ETV3L: variants seen among roughly 807,000 people sequenced by gnomAD.
ETV3L encodes ETS translocation variant 3-like protein.
In ETV3L, 30 loss-of-function variants were observed where a neutral mutation model predicts 27.6. That is an observed-to-expected ratio of 1.09 (90% CI 0.81 to 1.48). The LOEUF (loss-of-function observed/expected upper bound fraction) is 1.48. Ranked by LOEUF, ETV3L falls within the 40% of genes most tolerant of loss-of-function variation. The probability of loss-of-function intolerance (pLI) is 0.00; values close to 1 mark genes in which losing one functional copy is unlikely to be tolerated. For synonymous variants in ETV3L, 186 were observed against 188.9 expected (o/e 0.98, Z 0.12); for missense variants, 443 against 455.6 (o/e 0.97, Z 0.25).
chr1:157,099,321 A>G lies in ETV3L; in HGVS notation c.116T>C (p.Ile39Thr), dbSNP rs775621115. ...KAESSPGSRQ[I>T]QLWHFILELL... The stretch of plus-strand genomic sequence containing the variant: ...CTCCAGGATGAAGTGCCACAGCTGG[A>G]TCTGCCGGGAGCCTGGGGACGACTC... The change falls in exon 2 of 5, where the codon ATC (isoleucine) becomes ACC (threonine). Residue 39 changes from isoleucine (I) to threonine (T), a missense_variant. Physicochemically the swap from Ile to Thr is moderately conservative, Grantham distance 89. Transcript: ENST00000454449. The G allele has an allele frequency of 6.2e-7, 1 of 1,614,144 alleles. No individual in the cohort carries two copies. The highest frequency in any genetic ancestry group is 8.5e-7 in the Non-Finnish European group (1 of 1,180,038).
intron 4 of ETV3L, among the ~76,000 whole-genome samples, chr1:157,094,147 C>T (rs980582026): frequency 6.6e-6 from 1 of 152,234 alleles, no homozygotes; most frequent in African/African-American, 2.4e-5. Flanking sequence ...GCAAGGGCCT[C>T]CAGTCTAGCC....
chr1:157,099,690 G>C lies in ETV3L; in HGVS notation c.-167C>G, dbSNP rs1674305447. On this transcript the variant is annotated 5_prime_UTR_variant, in exon 1 of 5. Transcript: ENST00000454449. Reference sequence around the variant, plus strand: ...CAGGAAAGAAAGAGAGAAAAGGGAAGGGACAAGAGGTTGCCAGTGAAGGGG... The same window carrying C: ...CAGGAAAGAAAGAGAGAAAAGGGAACGGACAAGAGGTTGCCAGTGAAGGGG... 2 of 663,194 alleles carry C rather than the reference G, an allele frequency of 3.0e-6. No homozygotes were observed. The highest frequency in any genetic ancestry group is 5.4e-5 in the Admixed American group (2 of 36,756). The allele number at this position is 663,194 out of a possible 1,614,324, so 41.1% of individuals were successfully genotyped here.
intron 4 of ETV3L, among the ~76,000 whole-genome samples, chr1:157,095,206 C>T (rs1241261280): frequency 1.3e-5 from 2 of 152,118 alleles, no homozygotes; most frequent in African/African-American, 4.8e-5. Flanking sequence ...AAGAGTCCTC[C>T]TCTCATTCTC....
intron 4 of ETV3L, among the ~76,000 whole-genome samples, chr1:157,095,221 A>G (rs1674197137): frequency 6.6e-6 from 1 of 152,200 alleles, no homozygotes; most frequent in Admixed American, 6.5e-5. Flanking sequence ...ATTCTCCAAC[A>G]GGTTCCCAAC....
chr1:157,098,327 C>G lies in ETV3L; in HGVS notation c.487-339G>C, dbSNP rs1428378777. 3.3e-5 allele frequency among the ~76,000 whole-genome samples: 5 copies of G among 152,162 alleles called. No homozygotes were observed. In the East Asian group the frequency reaches 9.7e-4, roughly 29 times the overall value. ...TCCAGGCTGGTCTCGAACTCCTGACCTCAAATGATCCGTCCACCTCGTCCT... is the reference window on the plus strand; with the variant it reads ...TCCAGGCTGGTCTCGAACTCCTGACGTCAAATGATCCGTCCACCTCGTCCT... On this transcript the variant is annotated intron_variant, in intron 3 of 4. Transcript: ENST00000454449.
chr1:157,097,249 G>A (rs900458470), intron 4 of ETV3L, among the ~76,000 whole-genome samples: 1 of 152,060 alleles, frequency 6.6e-6, no homozygotes, highest in African/African-American at 2.4e-5. Flanking sequence ...GAGGCGGGTG[G>A]ATCACCTGAG....
chr1:157,093,577 C>T (rs1382129974), intron 4 of ETV3L, among the ~76,000 whole-genome samples: 7 of 151,704 alleles, frequency 4.6e-5, no homozygotes, highest in African/African-American at 9.7e-5. Context: ...CTGCAATCTC[C>T]GCCTCCCGGG....
At chr1:157,095,545 TTCTTTC>T (rs1674202310) in intron 4 of ETV3L, among the ~76,000 whole-genome samples, 2 of 145,252 alleles carry the variant, frequency 1.4e-5, no homozygotes, top group African/African-American at 5.0e-5. Context: ...CTTTCTTTCT[TTCTTTC>T]TTTTTTTTTT....
chr1:157,096,323 T>C (rs1482379234), intron 4 of ETV3L, among the ~76,000 whole-genome samples: 3 of 152,172 alleles, frequency 2.0e-5, no homozygotes, highest in Admixed American at 6.5e-5. Context: ...TGCACCCCCC[T>C]TGCCTATAAG....
Position 157,097,205 on chromosome 1 carries a change from T to G in ETV3L, c.607+663A>C, listed in dbSNP as rs146436479. ...ATGCTATTTCTGACTGGGTGTGGTG[T>G]CTCACACCTGTAATCCCAGCAGTTT... On this transcript the variant is annotated intron_variant, in intron 4 of 4. Transcript: ENST00000454449. Among the ~76,000 whole-genome samples the G allele has an allele frequency of 2.2e-4, 33 of 151,410 alleles. No homozygotes were observed. The Middle Eastern group carries it at 0.017, about 79-fold the overall frequency.
At chr1:157,096,242 C>T (rs904141241) in intron 4 of ETV3L, among the ~76,000 whole-genome samples, 20 of 152,152 alleles carry the variant, frequency 1.3e-4, no homozygotes, top group Admixed American at 3.3e-4. Flanking sequence ...CTGATGCCCT[C>T]GGCACCCTGC....
Position 157,099,142 on chromosome 1 carries a change from T to C in ETV3L, c.295A>G (p.Arg99Gly). The part of the protein sequence containing the change: ...MNYDKLSRAL[R>G]YYYNKRILHK... ...GCCATGTCAGCCGCCTCCTCTCACC[T>C]GAGGGCCCGGCTCAGCTTGTCATAA... Residue 99 changes from arginine (R) to glycine (G), a missense_variant and splice_region_variant, in exon 2 of 5, where the codon AGA becomes GGA. Coordinates refer to ENST00000454449, the MANE Select transcript of ETV3L (RefSeq NM_001004341.2). 1 of 1,613,820 alleles carries C rather than the reference T, an allele frequency of 6.2e-7. No homozygotes were observed. Among genetic ancestry groups the C allele is most frequent in the Non-Finnish European group, 8.5e-7 (1 of 1,179,820 alleles).
In ETV3L at chr1:157,094,192, C is replaced by T. The variant is rs540654504; in HGVS notation, c.608-1065G>A. On this transcript the variant is annotated intron_variant, in intron 4 of 4. Coordinates refer to ENST00000454449, the MANE Select transcript of ETV3L (RefSeq NM_001004341.2). ...ACTGGTTGTGTGGCCTTGGCCTTGTCATTTAAATTTGCAGTCCTCTGTTTC... is the reference window on the plus strand; with the variant it reads ...ACTGGTTGTGTGGCCTTGGCCTTGTTATTTAAATTTGCAGTCCTCTGTTTC... Among the ~76,000 whole-genome samples, 29 of 152,330 alleles carry T rather than the reference C, an allele frequency of 1.9e-4. 2 individuals carry two copies. In the Middle Eastern group the frequency reaches 0.02, roughly 107 times the overall value.
In ETV3L at chr1:157,092,944, G is replaced by A. The variant is rs78985424; in HGVS notation, c.791C>T (p.Ala264Val). 4.9e-4 allele frequency: 794 copies of A among 1,614,086 alleles called. 3 individuals are homozygous for A. The African/African-American group carries it at 8.0e-3, about 16-fold the overall frequency. Residue 264 changes from alanine to valine, a missense_variant, in exon 5 of 5, where the codon GCT becomes GTT. Physicochemically the swap from Ala to Val is moderately conservative, Grantham distance 64. Transcript: ENST00000454449. ...TGGGAGCAGGATGTCTGGCTTAAAA[G>A]CCCCTGGGAGCTGCTGCTCTGACGG... The part of the protein sequence containing the change: ...PLPSEQQLPG[A>V]FKPDILLPGP...
intron 4 of ETV3L, 59 bp from the exon 5 acceptor site, chr1:157,093,186 C>A: frequency 8.3e-7 from 1 of 1,205,760 alleles, no homozygotes; most frequent in Non-Finnish European, 1.1e-6. Context: ...ATGCTCCTTG[C>A]TCCTCCCATT....
intron 4 of ETV3L, among the ~76,000 whole-genome samples, chr1:157,094,059 A>G (rs1336178483): frequency 6.6e-6 from 1 of 152,244 alleles, no homozygotes; most frequent in African/African-American, 2.4e-5. Flanking sequence ...GTGCTCAAGA[A>G]AAATGTGTCC....
chr1:157,097,062 GC>G (rs1674238387), intron 4 of ETV3L, among the ~76,000 whole-genome samples: 2 of 152,086 alleles, frequency 1.3e-5, no homozygotes, highest in South Asian at 4.1e-4. Context: ...TGCCTTGCCA[GC>G]CCTGTCTCTC....
Position 157,099,397 on chromosome 1 carries a change from G to C in ETV3L, c.59-19C>G. On this transcript the variant is annotated intron_variant, in intron 1 of 4. Transcript: ENST00000454449. ...GCCAACCCTGGGTGGAGAGGGGAGA[G>C]TGAGGGCTCTGGAGGCCCTGCCCTA... 6.2e-7 allele frequency: 1 copy of C among 1,614,096 alleles called. No individual in the cohort carries two copies. The highest frequency in any genetic ancestry group is 8.5e-7 in the Non-Finnish European group (1 of 1,179,976).
chr1:157,097,427 C>T (rs1248185681), intron 4 of ETV3L, among the ~76,000 whole-genome samples: 1 of 146,686 alleles, frequency 6.8e-6, no homozygotes, highest in Admixed American at 7.0e-5. Context: ...GAGCTGAGAT[C>T]CTGCCACTGT....
Sources: allele counts gnomAD v4.1 joint callset (sites outside exome capture counted in the v4.1 genomes callset), GRCh38; gene constraint gnomAD v4.1.1; transcripts MANE v1.5; gene names NCBI Gene and HGNC (gene_info 2026-07-23, HGNC 2026-07-21).